Variants in TMEM62 observed in about 807,000 individuals in gnomAD.
TMEM62 encodes transmembrane protein 62.
A neutral mutation model predicts 70.4 loss-of-function variants in TMEM62; 41 were observed. That is an observed-to-expected ratio of 0.58 (90% CI 0.45 to 0.76). The LOEUF is 0.76. TMEM62 is among the 30% of genes least tolerant of loss of function. The probability of loss-of-function intolerance (pLI) is 0.00; values close to 1 mark genes in which losing one functional copy is unlikely to be tolerated. For missense variants in TMEM62, 688 were observed against 788.5 expected (o/e 0.87, Z 1.53); for synonymous variants, 268 against 291.0 (o/e 0.92, Z 0.80).
At chr15:43,149,271 T>A in intron 7 of TMEM62, 120 bp downstream of exon 7, 1 of 1,092,036 alleles carries the variant, frequency 9.2e-7, no homozygotes, top group Non-Finnish European at 1.3e-6. Context: ...TATTTCTGTT[T>A]TTTTAAAGTA....
chr15:43,166,853 G>A (rs1454779654), intron 10 of TMEM62, among the ~76,000 whole-genome samples: 3 of 152,170 alleles, frequency 2.0e-5, no homozygotes, highest in Non-Finnish European at 4.4e-5. Context: ...AGGGTTGGGG[G>A]TAAGGTCACA....
chr15:43,164,010 G>A (rs757915399), intron 10 of TMEM62, among the ~76,000 whole-genome samples: 5 of 152,310 alleles, frequency 3.3e-5, no homozygotes, highest in African/African-American at 4.8e-5. Context: ...AGCCTGCAGT[G>A]TAGTCTATAC....
At chr15:43,182,954 C>A (rs529276956) in intron 13 of TMEM62, among the ~76,000 whole-genome samples, 1 of 152,114 alleles carries the variant, frequency 6.6e-6, no homozygotes, top group Non-Finnish European at 1.5e-5. Flanking sequence ...TGATCTAGAC[C>A]TCTTCTCTGC....
intron 8 of TMEM62, among the ~76,000 whole-genome samples, chr15:43,152,481 G>T (rs1170445929): frequency 2.0e-5 from 3 of 152,110 alleles, no homozygotes; most frequent in Non-Finnish European, 2.9e-5. Context: ...TGCAACCACT[G>T]CCTCCCGAGT....
At chr15:43,162,898 A>C (rs1441338877) in intron 10 of TMEM62, among the ~76,000 whole-genome samples, 2 of 151,966 alleles carry the variant, frequency 1.3e-5, no homozygotes, top group Non-Finnish European at 2.9e-5. Flanking sequence ...GGGTGGGCAC[A>C]CTATTTTATA....
At chr15:43,135,405 G>A (rs2035070289) in intron 2 of TMEM62, 107 bp from the exon 3 acceptor site, 3 of 1,165,182 alleles carry the variant, frequency 2.6e-6, no homozygotes, top group Non-Finnish European at 3.5e-6. Context: ...GCTTATACAC[G>A]TTGAGTGCTT....
chr15:43,180,404 T>C (rs1443087848), intron 12 of TMEM62, among the ~76,000 whole-genome samples: 1 of 152,228 alleles, frequency 6.6e-6, no homozygotes, highest in Non-Finnish European at 1.5e-5. Flanking sequence ...ATTATAGGCA[T>C]GAGCCACCCT....
Position 43,134,261 on chromosome 15 carries a change from C to A in TMEM62, c.185C>A (p.Ser62Tyr). The change falls in exon 2 of 14, where the codon TCC (serine) becomes TAC (tyrosine). Residue 62 changes from serine to tyrosine, a missense_variant. Ser to Tyr is a moderately radical substitution (Grantham distance 144, BLOSUM62 -2). Transcript: ENST00000260403. Reference protein sequence around the residue: ...DSNIFWGLQISDIHLSRFRDP... With the variant: ...DSNIFWGLQIYDIHLSRFRDP... ...TTCAATACCTGTTTTCGGCAGATAT[C>A]CGACATTCACCTGAGCAGGTTTCGA... 6.2e-7 allele frequency: 1 copy of A among 1,614,038 alleles called. No individual in the cohort carries two copies. The highest frequency in any genetic ancestry group is 8.5e-7 in the Non-Finnish European group (1 of 1,179,902).
chr15:43,135,670 A>G, intron 3 of TMEM62, 21 bp downstream of exon 3: 2 of 1,557,826 alleles, frequency 1.3e-6, no homozygotes, highest in East Asian at 2.3e-5. Context: ...AGAGCCAGAT[A>G]CAATAAAGAC....
intron 10 of TMEM62, among the ~76,000 whole-genome samples, chr15:43,165,287 T>C (rs1411172700): frequency 6.6e-6 from 1 of 152,082 alleles, no homozygotes; most frequent in Admixed American, 6.5e-5. Flanking sequence ...TATTTTCATA[T>C]AGATGGTCTT....
At chr15:43,169,956 G>C in intron 11 of TMEM62, 2 of 273,238 alleles carry the variant, frequency 7.3e-6, no homozygotes, top group Non-Finnish European at 1.4e-5. Flanking sequence ...TGAAGTGGGG[G>C]CTTACAGGTT....
chr15:43,151,720 C>A, intron 7 of TMEM62, 70 bp from the exon 8 acceptor site: 1 of 1,316,664 alleles, frequency 7.6e-7, no homozygotes, highest in Non-Finnish European at 1.0e-6. Context: ...TATATTTGTT[C>A]TGTATATTAC....
At position 43,146,603 on chromosome 15, in the gene TMEM62, G is replaced by T. The variant is rs908927364; in HGVS notation, c.587G>T (p.Arg196Ile). 6.2e-7 allele frequency: 1 copy of T among 1,611,352 alleles called. No homozygotes were observed. The highest frequency in any genetic ancestry group is 1.3e-5 in the African/African-American group (1 of 74,780). ...VDATVNPGPK[R>I]PYNFFGILDK... ...GCCACTGTAAATCCAGGGCCTAAGA[G>T]ACCCTATAATTTCTTTGGAATTTTA... Residue 196 changes from arginine (R) to isoleucine (I), a missense_variant, in exon 5 of 14, where the codon AGA becomes ATA. By Grantham distance (97) the Arg-to-Ile change is moderately conservative. Transcript: ENST00000260403.
At chr15:43,168,607 T>G (rs1329495167) in intron 10 of TMEM62, among the ~76,000 whole-genome samples, 2 of 152,128 alleles carry the variant, frequency 1.3e-5, no homozygotes, top group Non-Finnish European at 2.9e-5. Context: ...CAAAACAAAG[T>G]CCTCTTTACT....
chr15:43,152,072 TATAAAG>T (rs1480552102), intron 8 of TMEM62, 127 bp downstream of exon 8: 12 of 531,448 alleles, frequency 2.3e-5, no homozygotes, highest in Admixed American at 3.9e-5. Context: ...CTAAACATTA[TATAAAG>T]ATAGATTGCT....
chr15:43,140,290 G>C lies in TMEM62; in HGVS notation c.476+1671G>C, dbSNP rs1480507087. 2.0e-5 allele frequency among the ~76,000 whole-genome samples: 3 copies of C among 152,304 alleles called. No homozygotes were observed. In the East Asian group the frequency reaches 5.8e-4, roughly 29 times the overall value. ...TGCAAGAACATGGCCGGCAGATCCA[G>C]CTCCTCATATACTGCCTTCACCGGG... On this transcript the variant is annotated intron_variant, in intron 4 of 13. Coordinates refer to ENST00000260403, the MANE Select transcript of TMEM62 (RefSeq NM_024956.4).
At chr15:43,147,986 G>A (rs1033395025) in intron 5 of TMEM62, among the ~76,000 whole-genome samples, 1 of 152,154 alleles carries the variant, frequency 6.6e-6, no homozygotes, top group Non-Finnish European at 1.5e-5. Context: ...TATGATTTGA[G>A]TACTATAAAA....
Position 43,177,615 on chromosome 15 carries a change from C to T in TMEM62, c.1382-992C>T, listed in dbSNP as rs574880072. Among the ~76,000 whole-genome samples the T allele has an allele frequency of 1.9e-3, 292 of 152,026 alleles. 1 individual carries two copies. In the Middle Eastern group the frequency reaches 0.034, roughly 18 times the overall value. On this transcript the variant is annotated intron_variant, in intron 11 of 13. Coordinates refer to ENST00000260403, the MANE Select transcript of TMEM62 (RefSeq NM_024956.4). Reference sequence around the variant, plus strand: ...TGGAACCAACCCAAATGTCCAACAACGATAGACTGGATTAAGAAAATGTGG... The same window carrying T: ...TGGAACCAACCCAAATGTCCAACAATGATAGACTGGATTAAGAAAATGTGG...
At chr15:43,155,439 T>C (rs768780637) in intron 9 of TMEM62, among the ~76,000 whole-genome samples, 10 of 152,190 alleles carry the variant, frequency 6.6e-5, no homozygotes, top group Non-Finnish European at 1.5e-4. Flanking sequence ...AAGGTTATAG[T>C]GAGCTCTGAT....
Sources: gnomAD v4.1 joint callset for allele counts (sites outside exome capture counted in the v4.1 genomes callset) on GRCh38, gnomAD v4.1.1 for gene constraint, MANE v1.5 for transcripts, NCBI Gene and HGNC (gene_info 2026-07-23, HGNC 2026-07-21) for gene names.